KAT6B: variants seen among roughly 807,000 people sequenced by gnomAD.
The protein encoded by KAT6B is histone acetyltransferase KAT6B.
A neutral mutation model predicts 187.5 loss-of-function variants in KAT6B; 10 were observed. That is an observed-to-expected ratio of 0.05 (90% confidence interval 0.03 to 0.09). The LOEUF is 0.09. Ranked by LOEUF, KAT6B falls within the 10% of genes least tolerant of loss-of-function variation. KAT6B has a pLI of 1.00. For synonymous variants in KAT6B, 861 were observed against 926.8 expected (o/e 0.93, Z 1.29); for missense variants, 1,952 against 2,558.9 (o/e 0.76, Z 5.12).
At chr10:74,965,348 C>T (rs1318318271) in intron 4 of KAT6B, among the ~76,000 whole-genome samples, 2 of 152,214 alleles carry the variant, frequency 1.3e-5, no homozygotes, top group Non-Finnish European at 2.9e-5. Context: ...TCTCCCATAT[C>T]CCTAAGCCAC....
intron 12 of KAT6B, among the ~76,000 whole-genome samples, chr10:74,987,718 C>T (rs772798205): frequency 5.9e-5 from 9 of 152,126 alleles, no homozygotes; most frequent in African/African-American, 1.7e-4. Context: ...TTAAGCTGCA[C>T]GGAGGGGAAG....
At position 75,022,024 on chromosome 10, in the gene KAT6B, A is replaced by C. The variant is rs1009262971; in HGVS notation, c.3165A>C (p.Thr1055=). The C allele has an allele frequency of 2.5e-6, 4 of 1,613,944 alleles. No homozygotes were observed. In the African/African-American group the frequency reaches 4.0e-5, roughly 16 times the overall value. The change falls in exon 16 of 18, where the codon ACA becomes ACC. Residue 1055 remains threonine, a synonymous_variant. Coordinates refer to ENST00000287239, the MANE Select transcript of KAT6B (RefSeq NM_012330.4). ...ATTCCCCGGAGAGCCGGCCAGTCAC[A>C]GGGGAGCGAGGGCAGCTGCTGGAGC... The part of the protein sequence containing the change: ...YLHSPESRPV[T]GERGQLLELS...
At chr10:74,906,635 T>G (rs1846776624) in intron 3 of KAT6B, among the ~76,000 whole-genome samples, 1 of 152,136 alleles carries the variant, frequency 6.6e-6, no homozygotes, top group Non-Finnish European at 1.5e-5. Context: ...TACTTTGAAA[T>G]CACCACTTTT....
At chr10:74,908,614 C>T (rs941293869) in intron 3 of KAT6B, among the ~76,000 whole-genome samples, 1 of 151,096 alleles carries the variant, frequency 6.6e-6, no homozygotes, top group African/African-American at 2.4e-5. Flanking sequence ...TAGTTTCAGG[C>T]ATTCTGTTAT....
intron 3 of KAT6B, among the ~76,000 whole-genome samples, chr10:74,907,539 T>C (rs1846861939): frequency 6.6e-6 from 1 of 152,174 alleles, no homozygotes; most frequent in South Asian, 2.1e-4. Flanking sequence ...TTTTTCTTTT[T>C]TTCTGAGGCA....
intron 17 of KAT6B, among the ~76,000 whole-genome samples, chr10:75,027,269 A>C (rs1845933149): frequency 6.6e-6 from 1 of 152,186 alleles, no homozygotes; most frequent in Non-Finnish European, 1.5e-5. Flanking sequence ...ATTCTACATC[A>C]CATATGTGTT....
At position 74,999,008 on chromosome 10, in the gene KAT6B, T is replaced by C. The variant is rs535142143; in HGVS notation, c.2629+9896T>C. Among the ~76,000 whole-genome samples, 3 of 152,354 alleles carry C rather than the reference T, an allele frequency of 2.0e-5. No homozygotes were observed. In the South Asian group the frequency reaches 6.2e-4, roughly 32 times the overall value. ...AATTATATATGTAATATGTTCTCAATTATGTAAAAAATATGCAAAGCAAAA... is the reference window on the plus strand; with the variant it reads ...AATTATATATGTAATATGTTCTCAACTATGTAAAAAATATGCAAAGCAAAA... On this transcript the variant is annotated intron_variant, in intron 13 of 17. Coordinates refer to ENST00000287239, the MANE Select transcript of KAT6B (RefSeq NM_012330.4).
At chr10:75,027,508 T>C (rs1845959062) in intron 17 of KAT6B, among the ~76,000 whole-genome samples, 1 of 152,118 alleles carries the variant, frequency 6.6e-6, no homozygotes, top group African/African-American at 2.4e-5. Context: ...TTCCTTTAAA[T>C]TGACCACTGA....
intron 3 of KAT6B, among the ~76,000 whole-genome samples, chr10:74,920,661 C>T (rs1315685552): frequency 6.6e-6 from 1 of 152,166 alleles, no homozygotes; most frequent in Non-Finnish European, 1.5e-5. Flanking sequence ...TTACCCTTCT[C>T]ATATAGCATT....
At position 74,943,742 on chromosome 10, in the gene KAT6B, T is replaced by C. The variant is rs570271362; in HGVS notation, c.622-16228T>C. ...TTGCAACTTTGGGATAGATAAAAAT[T>C]TCTTAGATTGAACACAAAAAGTAGA... is the stretch of plus-strand genomic sequence containing the variant. On this transcript the variant is annotated intron_variant, in intron 3 of 17. Transcript: ENST00000287239. Among the ~76,000 whole-genome samples the C allele has an allele frequency of 2.6e-5, 4 of 152,280 alleles. No individual in the cohort carries two copies. In the East Asian group the frequency reaches 7.7e-4, roughly 29 times the overall value.
chr10:74,949,296 GGAGGA>G (rs999074247), intron 3 of KAT6B, among the ~76,000 whole-genome samples: 6 of 152,194 alleles, frequency 3.9e-5, no homozygotes, highest in African/African-American at 1.2e-4. Flanking sequence ...TGGCAGAAGT[GGAGGA>G]GAGAAGTCCC....
At chr10:74,953,505 A>C (rs1322614231) in intron 3 of KAT6B, among the ~76,000 whole-genome samples, 1 of 152,218 alleles carries the variant, frequency 6.6e-6, no homozygotes, top group Non-Finnish European at 1.5e-5. Flanking sequence ...CTTAGAGAGC[A>C]GCGTTTAAAT....
rs142728386 is a variant in KAT6B at position 75,029,215 on chromosome 10, T to G, written c.4391T>G (p.Val1464Gly). ...CAGGAGACTTTTTTAGACCTTAATG[T>G]GCAGCCTGGTCACTCGAACCCAGAG... Reference protein sequence around the residue: ...ENQETFLDLNVQPGHSNPEVL... With the variant: ...ENQETFLDLNGQPGHSNPEVL... Residue 1464 changes from valine to glycine, a missense_variant, in exon 18 of 18, where the codon GTG becomes GGG. Physicochemically the swap from Val to Gly is moderately radical, Grantham distance 109 (BLOSUM62 -3). This residue lies in a region of KAT6B where 758 missense variants were observed against 891.4 expected (regional missense o/e 0.85). Coordinates refer to ENST00000287239, the MANE Select transcript of KAT6B (RefSeq NM_012330.4). This position sits in a 1 kb window ranked among gnomAD's most constrained non-coding sequence, Gnocchi z 6.2. 1 of 1,613,998 alleles carries G rather than the reference T, an allele frequency of 6.2e-7. No homozygotes were observed. The highest frequency in any genetic ancestry group is 8.5e-7 in the Non-Finnish European group (1 of 1,180,036).
chr10:75,003,085 T>C (rs1843962034), intron 13 of KAT6B: 1 of 152,254 alleles, frequency 6.6e-6, no homozygotes, highest in African/African-American at 2.4e-5. Flanking sequence ...TGCCCTGTCT[T>C]CTTTCGAGGT....
intron 13 of KAT6B, among the ~76,000 whole-genome samples, chr10:75,013,549 C>G (rs1237891463): frequency 6.6e-6 from 1 of 152,154 alleles, no homozygotes; most frequent in Non-Finnish European, 1.5e-5. Context: ...AGCAGTCTGT[C>G]TCTGTTGTTT....
In KAT6B at chr10:74,970,074, G is replaced by A; in HGVS notation, c.901G>A (p.Asp301Asn). ...TAGAGGATTTCATATGGAATGCTGTGACCCACCACTTTCCAGAATGCCAAA... is the reference window on the plus strand; with the variant it reads ...TAGAGGATTTCATATGGAATGCTGTAACCCACCACTTTCCAGAATGCCAAA... ...CDRGFHMECCDPPLSRMPKGM... is the reference protein window; with the variant it reads ...CDRGFHMECCNPPLSRMPKGM... The change falls in exon 6 of 18, where the codon GAC (aspartate) becomes AAC (asparagine). Residue 301 changes from aspartate (D) to asparagine (N), a missense_variant. Asp to Asn is a conservative substitution (Grantham distance 23). This residue lies in a region of KAT6B where 417 missense variants were observed against 508.9 expected (regional missense o/e 0.82). Transcript: ENST00000287239. 1 of 1,612,194 alleles carries A rather than the reference G, an allele frequency of 6.2e-7. No homozygotes were observed. Among genetic ancestry groups the A allele is most frequent in the Non-Finnish European group, 8.5e-7 (1 of 1,178,422 alleles).
rs975348374 is a variant in KAT6B at position 75,032,468 on chromosome 10, A to G, written c.*1422A>G. 12 of 185,600 alleles carry G rather than the reference A, an allele frequency of 6.5e-5. No individual in the cohort carries two copies. Among genetic ancestry groups the G allele is most frequent in the African/African-American group, 2.6e-4 (11 of 42,678 alleles). The allele number at this position is 185,600 out of a possible 1,614,324, so 11.5% of individuals were successfully genotyped here. On this transcript the variant is annotated 3_prime_UTR_variant, in exon 18 of 18. Coordinates refer to ENST00000287239, the MANE Select transcript of KAT6B (RefSeq NM_012330.4). ...GGGGGAGGGGTTGGCAATAAATAAGAGTAATATCTAATAAAACCATCACAT... is the reference window on the plus strand; with the variant it reads ...GGGGGAGGGGTTGGCAATAAATAAGGGTAATATCTAATAAAACCATCACAT...
Position 75,021,959 on chromosome 10 carries a change from C to A in KAT6B, c.3100C>A (p.Gln1034Lys). 1 of 1,614,172 alleles carries A rather than the reference C, an allele frequency of 6.2e-7. No homozygotes were observed. Among genetic ancestry groups the A allele is most frequent in the Non-Finnish European group, 8.5e-7 (1 of 1,180,008 alleles). Residue 1034 changes from glutamine (Q) to lysine (K), a missense_variant, in exon 16 of 18, where the codon CAA becomes AAA. Transcript: ENST00000287239. ...CCTGTCAACTAGAGCTAACAGTAGGCAATCACCTGCAAAAGTACAATCGAA... is the reference window on the plus strand; with the variant it reads ...CCTGTCAACTAGAGCTAACAGTAGGAAATCACCTGCAAAAGTACAATCGAA... ...EILSTRANSR[Q>K]SPAKVQSKNK...
At chr10:75,017,757 T>G (rs1845084363) in intron 13 of KAT6B, among the ~76,000 whole-genome samples, 1 of 152,238 alleles carries the variant, frequency 6.6e-6, no homozygotes, top group African/African-American at 2.4e-5. Flanking sequence ...TGGAATTCTG[T>G]CCTACATCCA....
Sources: allele counts gnomAD v4.1 joint callset (sites outside exome capture counted in the v4.1 genomes callset), GRCh38; gene constraint gnomAD v4.1.1; regional missense constraint gnomAD v4.1.1; non-coding constraint Gnocchi (gnomAD v3.1); transcripts MANE v1.5; gene names NCBI Gene and HGNC (gene_info 2026-07-23, HGNC 2026-07-21).